The following GLIS3 variants were observed in gnomAD, a reference collection of about 807,000 sequenced individuals.
The protein encoded by GLIS3 is zinc finger protein GLIS3.
In GLIS3, 53 loss-of-function variants were observed where a neutral mutation model predicts 78.6. The ratio of observed to expected loss-of-function variants is 0.67; its 90% CI spans 0.54 to 0.85. GLIS3 has a LOEUF of 0.85. Among genes scored for constraint, GLIS3 ranks in the 40% least tolerant of loss-of-function variants. The pLI is 0.00. For missense variants in GLIS3, 1,703 were observed against 1,231.1 expected (o/e 1.38, Z -5.74); for synonymous variants, 684 against 509.9 (o/e 1.34, Z -4.60).
the GLIS3 span, among the ~76,000 whole-genome samples, chr9:4,404,104 C>G: frequency 6.6e-6 from 1 of 152,062 alleles, no homozygotes; most frequent in Admixed American, 6.6e-5. Flanking sequence ...GATTTCAAGA[C>G]AAAAACTGTA....
At chr9:3,891,579 G>GAA (rs1287879201) in intron 7 of GLIS3, among the ~76,000 whole-genome samples, 1 of 152,116 alleles carries the variant, frequency 6.6e-6, no homozygotes, top group Admixed American at 6.5e-5. Flanking sequence ...GCACATACCT[G>GAA]AAGTCTCAGC....
chr9:3,896,405 C>T (rs1465822005), intron 7 of GLIS3, among the ~76,000 whole-genome samples: 1 of 152,056 alleles, frequency 6.6e-6, no homozygotes, highest in Non-Finnish European at 1.5e-5. Context: ...TGGCTCATGC[C>T]TGTAATCCCA....
the GLIS3 span, among the ~76,000 whole-genome samples, chr9:4,405,691 G>C: frequency 6.6e-6 from 1 of 151,856 alleles, no homozygotes; most frequent in African/African-American, 2.4e-5. Context: ...CTGAAAAATA[G>C]AGGAGAAAAT....
chr9:3,896,223 A>C (rs374975624), intron 7 of GLIS3, among the ~76,000 whole-genome samples: 1 of 152,206 alleles, frequency 6.6e-6, no homozygotes, highest in Non-Finnish European at 1.5e-5. Flanking sequence ...CTTTAAAAGA[A>C]AGGCTTAAAT....
At chr9:4,143,419 T>G (rs1344689335) in intron 2 of GLIS3, among the ~76,000 whole-genome samples, 3 of 151,910 alleles carry the variant, frequency 2.0e-5, no homozygotes, top group African/African-American at 7.3e-5. Flanking sequence ...ATACAAAAAT[T>G]AGCCGGGCAT....
intron 2 of GLIS3, among the ~76,000 whole-genome samples, chr9:4,180,976 G>C (rs1488864594): frequency 3.3e-5 from 5 of 152,164 alleles, no homozygotes; most frequent in African/African-American, 1.2e-4. Flanking sequence ...TGGAGGTGGG[G>C]AACAAGGGGC....
At chr9:4,292,920 C>T (rs922383614) in intron 1 of GLIS3, among the ~76,000 whole-genome samples, 2 of 152,146 alleles carry the variant, frequency 1.3e-5, no homozygotes, top group African/African-American at 2.4e-5. Context: ...GAACACATTC[C>T]TGATGATGTC....
the GLIS3 span, among the ~76,000 whole-genome samples, chr9:4,395,822 G>A: frequency 6.9e-6 from 1 of 144,232 alleles, no homozygotes. Flanking sequence ...TCACCGGGCT[G>A]GAGTGCAATG....
Position 3,825,381 on chromosome 9 carries a change from C to T in GLIS3, c.*2891G>A, listed in dbSNP as rs3025. 5.3e-5 allele frequency: 8 copies of T among 151,818 alleles called. No individual in the cohort carries two copies. The East Asian group carries it at 9.7e-4, about 18-fold the overall frequency. The allele number at this position is 151,818 out of a possible 1,614,324, so 9.4% of individuals were successfully genotyped here. On this transcript the variant is annotated 3_prime_UTR_variant, in exon 11 of 11. Transcript: ENST00000381971. ...TACAACTGACATTTTGATGCAGTTT[C>T]GTTAGGGAATTAAGACAATGCAGCC...
intron 4 of GLIS3, among the ~76,000 whole-genome samples, chr9:3,982,143 G>C (rs1298367778): frequency 6.6e-6 from 1 of 151,836 alleles, no homozygotes; most frequent in Non-Finnish European, 1.5e-5. Flanking sequence ...AAAAGAACAT[G>C]ACATTCTCAA....
chr9:3,984,892 G>T (rs1819610092), intron 4 of GLIS3, among the ~76,000 whole-genome samples: 1 of 152,072 alleles, frequency 6.6e-6, no homozygotes, highest in African/African-American at 2.4e-5. Flanking sequence ...TTTCAAAGTG[G>T]GAGTTTCTCT....
intron 4 of GLIS3, among the ~76,000 whole-genome samples, chr9:4,010,224 G>GC (rs1431689905): frequency 2.6e-5 from 4 of 152,166 alleles, no homozygotes; most frequent in African/African-American, 9.7e-5. Flanking sequence ...GTCCCAGATG[G>GC]CTTGGACTCT....
chr9:3,853,877 CA>C (rs1296721775), intron 9 of GLIS3, among the ~76,000 whole-genome samples: 1 of 152,160 alleles, frequency 6.6e-6, no homozygotes, highest in East Asian at 1.9e-4. Context: ...CAGTTGTAAT[CA>C]AAATGTGTTA....
intron 3 of GLIS3, chr9:4,309,049 T>C (rs917565254): frequency 1.3e-5 from 2 of 152,266 alleles, no homozygotes; most frequent in African/African-American, 4.8e-5. Context: ...GTTAAGTGCT[T>C]AGAACAGTGG....
chr9:3,824,962 TAACA>T lies in GLIS3; in HGVS notation c.*3306_*3309del, dbSNP rs1374557537. 1.2e-4 allele frequency: 18 copies of T among 144,142 alleles called. No homozygotes were observed. Among genetic ancestry groups the T allele is most frequent in the African/African-American group, 4.3e-4 (17 of 39,308 alleles). The allele number at this position is 144,142 out of a possible 1,614,324, so 8.9% of individuals were successfully genotyped here. A position where few individuals can be genotyped will look rare whatever the true frequency, so the allele number is the denominator to read the frequency against. On this transcript the variant is annotated 3_prime_UTR_variant, in exon 11 of 11. Transcript: ENST00000381971. ...AATAACCGCAGAAATTCCACACCAC[TAACA>T]AAAAGTGCTATTTAAAAATGCTTCC...
the GLIS3 span, among the ~76,000 whole-genome samples, chr9:4,374,346 T>TG: frequency 6.6e-6 from 1 of 152,384 alleles, no homozygotes; most frequent in African/African-American, 2.4e-5. Context: ...TGGAAAGGGC[T>TG]GCTGTGGATA....
At chr9:4,250,059 G>C (rs1468167279) in intron 2 of GLIS3, among the ~76,000 whole-genome samples, 1 of 152,170 alleles carries the variant, frequency 6.6e-6, no homozygotes, top group African/African-American at 2.4e-5. Context: ...ATGTTCATCA[G>C]GGATATTGGC....
At chr9:4,266,148 G>A (rs985863118) in intron 2 of GLIS3, among the ~76,000 whole-genome samples, 1 of 151,684 alleles carries the variant, frequency 6.6e-6, no homozygotes, top group African/African-American at 2.4e-5. Flanking sequence ...TCGATCTCCT[G>A]ACCTCATGAT....
chr9:3,917,665 A>C (rs1361498655), intron 6 of GLIS3, among the ~76,000 whole-genome samples: 3 of 151,624 alleles, frequency 2.0e-5, no homozygotes, highest in African/African-American at 4.9e-5. Context: ...ATTGGTTTCA[A>C]GTTATTCCTT....
Sources: gnomAD v4.1 joint callset for allele counts (sites outside exome capture counted in the v4.1 genomes callset) on GRCh38, gnomAD v4.1.1 for gene constraint, MANE v1.5 for transcripts, NCBI Gene and HGNC (gene_info 2026-07-23, HGNC 2026-07-21) for gene names.